The following ZIC4 variants were observed in gnomAD, a reference collection of about 807,000 sequenced individuals.
The protein encoded by ZIC4 is Zic family zinc finger 4.
A neutral mutation model predicts 28.8 loss-of-function variants in ZIC4; 15 were observed. The ratio of observed to expected loss-of-function variants is 0.52; its 90% CI spans 0.35 to 0.80. The LOEUF (loss-of-function observed/expected upper bound fraction) is 0.80. ZIC4 is among the 30% of genes least tolerant of loss of function. The pLI, the probability that ZIC4 is intolerant of heterozygous loss-of-function variation, is 0.01. For missense variants in ZIC4, 512 were observed against 467.1 expected, an observed-to-expected ratio of 1.10 and a Z score of -0.89; for synonymous variants, 220 against 198.1, an observed-to-expected ratio of 1.11 and a Z score of -0.93.
chr3:147,389,651 C>T (rs114080637), intron 4 of ZIC4, among the ~76,000 whole-genome samples: 1,777 of 152,236 alleles, frequency 0.012, 20 homozygotes, highest in South Asian at 0.023. Context: ...CTCGCCCCCT[C>T]CTTCAACATC....
At chr3:147,400,930 C>T (rs1396163522) in intron 2 of ZIC4, among the ~76,000 whole-genome samples, 1 of 152,174 alleles carries the variant, frequency 6.6e-6, no homozygotes, top group Admixed American at 6.5e-5. Context: ...CATTCTATTC[C>T]TACCCATGCC....
intron 3 of ZIC4, among the ~76,000 whole-genome samples, chr3:147,394,241 T>A (rs911816348): frequency 2.0e-5 from 3 of 151,800 alleles, no homozygotes; most frequent in African/African-American, 7.3e-5. Context: ...TTTGTTTGTT[T>A]GTTTGTTTTT....
At chr3:147,393,516 G>T (rs2086971826) in intron 3 of ZIC4, 1 of 212,052 alleles carries the variant, frequency 4.7e-6, no homozygotes, top group East Asian at 1.5e-4. Context: ...CTAGGCCCGG[G>T]GCTGCGCTGT....
At chr3:147,405,343 A>C (rs1309609815) in intron 1 of ZIC4, 18 of 1,523,254 alleles carry the variant, frequency 1.2e-5, no homozygotes, top group Non-Finnish European at 1.6e-5. Flanking sequence ...CTGCGAGGAC[A>C]ATACTGTCGG....
intron 2 of ZIC4, 106 bp downstream of exon 2, chr3:147,402,622 C>G: frequency 9.6e-7 from 1 of 1,036,760 alleles, no homozygotes; most frequent in Non-Finnish European, 1.4e-6. Flanking sequence ...ACTCTCAACC[C>G]AACATAAACA....
In ZIC4 at chr3:147,402,808, T is replaced by A; in HGVS notation, c.-11A>T. 1 of 1,613,654 alleles carries A rather than the reference T, an allele frequency of 6.2e-7. No homozygotes were observed. Among genetic ancestry groups the A allele is most frequent in the Non-Finnish European group, 8.5e-7 (1 of 1,179,884 alleles). On this transcript the variant is annotated 5_prime_UTR_variant, in exon 2 of 5. The change creates a premature stop within an existing upstream ORF in the 5' untranslated region. Transcript: ENST00000383075. Reference sequence around the variant, plus strand: ...TGTCTTGTATCTCATTTTCTGACTTTGAGCCTGTTTGGGAAGAAAAGAGTG... The same window carrying A: ...TGTCTTGTATCTCATTTTCTGACTTAGAGCCTGTTTGGGAAGAAAAGAGTG...
At chr3:147,390,511 C>T (rs1424849573) in intron 4 of ZIC4, among the ~76,000 whole-genome samples, 3 of 152,174 alleles carry the variant, frequency 2.0e-5, no homozygotes, top group Non-Finnish European at 4.4e-5. Flanking sequence ...CTGCAGTTGA[C>T]AGGATTGCAC....
At chr3:147,403,843 T>A in intron 1 of ZIC4, 1 of 520,960 alleles carries the variant, frequency 1.9e-6, no homozygotes. Context: ...TGCACAAAGA[T>A]CTCTCTCTCT....
chr3:147,403,792 C>T, intron 1 of ZIC4: 1 of 653,568 alleles, frequency 1.5e-6, no homozygotes, highest in East Asian at 3.0e-5. Context: ...AGGCCAAATC[C>T]AAGTGGGACT....
chr3:147,394,927 C>T (rs1004836049), intron 3 of ZIC4, among the ~76,000 whole-genome samples: 2 of 152,150 alleles, frequency 1.3e-5, no homozygotes, highest in African/African-American at 2.4e-5. Flanking sequence ...AAGTGGGGCA[C>T]CAAGCTGGAA....
At chr3:147,400,651 G>C (rs2087146308) in intron 2 of ZIC4, among the ~76,000 whole-genome samples, 1 of 152,198 alleles carries the variant, frequency 6.6e-6, no homozygotes, top group Non-Finnish European at 1.5e-5. Context: ...AGCAATAAGG[G>C]ATTACATAAG....
In ZIC4 at chr3:147,388,139, G is replaced by C. The variant is rs2086830003; in HGVS notation, c.*720C>G. 1 of 152,612 alleles carries C rather than the reference G, an allele frequency of 6.6e-6. No individual in the cohort carries two copies. Among genetic ancestry groups the C allele is most frequent in the Non-Finnish European group, 1.5e-5 (1 of 68,070 alleles). The allele number at this position is 152,612 out of a possible 1,614,324, so 9.5% of individuals were successfully genotyped here. ...GGTTCTAGAAAGGAAGTATATACTG[G>C]AGAGCGCAGTGACAGTATTAAATGG... On this transcript the variant is annotated 3_prime_UTR_variant, in exon 5 of 5. Transcript: ENST00000383075.
At chr3:147,393,992 T>C (rs62273364) in intron 3 of ZIC4, 172,868 of 454,714 alleles carry the variant, frequency 0.38, 33,660 homozygotes, top group East Asian at 0.49. Flanking sequence ...TTGCCGCTTC[T>C]GCTACTCGAG....
intron 3 of ZIC4, 99 bp downstream of exon 3, chr3:147,395,753 A>T (rs2087026381): frequency 6.6e-7 from 1 of 1,509,544 alleles, no homozygotes; most frequent in Non-Finnish European, 8.9e-7. Flanking sequence ...CAACCCCAAA[A>T]TATTTCCCCC....
At chr3:147,402,994 T>G (rs929014376) in intron 1 of ZIC4, among the ~76,000 whole-genome samples, 182 bp from the exon 2 acceptor site, 1 of 152,214 alleles carries the variant, frequency 6.6e-6, no homozygotes, top group African/African-American at 2.4e-5. Flanking sequence ...ACAGCCCATA[T>G]TGCAAAATGA....
intron 1 of ZIC4, among the ~76,000 whole-genome samples, 167 bp from the exon 2 acceptor site, chr3:147,402,979 C>A (rs1021331226): frequency 6.6e-6 from 1 of 151,960 alleles, no homozygotes; most frequent in South Asian, 2.1e-4. Context: ...AGGATTTTGC[C>A]GGGAACAGCC....
chr3:147,395,727 C>T, intron 3 of ZIC4, 125 bp downstream of exon 3: 1 of 1,419,050 alleles, frequency 7.0e-7, no homozygotes, highest in Non-Finnish European at 9.5e-7. Flanking sequence ...TATTTTATGG[C>T]CTTGGCTCAT....
chr3:147,390,289 GA>G (rs1272624344), intron 4 of ZIC4, among the ~76,000 whole-genome samples: 2 of 151,770 alleles, frequency 1.3e-5, no homozygotes, highest in African/African-American at 4.8e-5. Flanking sequence ...TAGGGAAGGG[GA>G]AACCATAGGA....
At chr3:147,392,884 G>A (rs1156591724) in intron 3 of ZIC4, 1 of 152,160 alleles carries the variant, frequency 6.6e-6, no homozygotes, top group African/African-American at 2.4e-5. Flanking sequence ...CCATTTCGCG[G>A]GACACTGGCA....
Sources: allele counts gnomAD v4.1 joint callset (sites outside exome capture counted in the v4.1 genomes callset), GRCh38; gene constraint gnomAD v4.1.1; transcripts MANE v1.5; gene names NCBI Gene and HGNC (gene_info 2026-07-23, HGNC 2026-07-21).